The following GASK1B variants were observed in gnomAD, a reference collection of about 807,000 sequenced individuals.
The protein encoded by GASK1B is Golgi-associated kinase 1B.
Under a neutral mutation model 42.8 loss-of-function variants are expected in GASK1B, and 34 were observed. The observed-to-expected ratio is 0.79, with a 90% CI of 0.60 to 1.06. The LOEUF (loss-of-function observed/expected upper bound fraction) is 1.06. GASK1B is among the 50% of genes least tolerant of loss of function. The pLI is 0.00. For missense variants in GASK1B, 686 were observed against 661.0 expected, an observed-to-expected ratio of 1.04 and a Z score of -0.42; for synonymous variants, 262 against 259.1, an observed-to-expected ratio of 1.01 and a Z score of -0.11.
chr4:158,161,246 A>G (rs1310934993), intron 2 of GASK1B, among the ~76,000 whole-genome samples: 2 of 152,186 alleles, frequency 1.3e-5, no homozygotes, highest in Non-Finnish European at 2.9e-5. Context: ...ACATATATCA[A>G]ATAATCACAT....
intron 2 of GASK1B, chr4:158,169,904 A>G (rs184179807): frequency 3.4e-4 from 101 of 299,110 alleles, no homozygotes; most frequent in Admixed American, 8.6e-4. Flanking sequence ...ATACTGAACA[A>G]ATCACCAATT....
chr4:158,146,781 T>C (rs1731346850), intron 3 of GASK1B, among the ~76,000 whole-genome samples: 1 of 152,238 alleles, frequency 6.6e-6, no homozygotes, highest in African/African-American at 2.4e-5. Context: ...ATATAATCTT[T>C]TGAGAGAAGT....
chr4:158,160,096 C>T (rs985689392), intron 2 of GASK1B, among the ~76,000 whole-genome samples: 2 of 152,112 alleles, frequency 1.3e-5, no homozygotes, highest in African/African-American at 2.4e-5. Flanking sequence ...AGTGACAGTC[C>T]AGCTCCAGTC....
At chr4:158,139,735 A>C (rs562008253) in intron 3 of GASK1B, among the ~76,000 whole-genome samples, 1 of 152,338 alleles carries the variant, frequency 6.6e-6, no homozygotes, top group East Asian at 1.9e-4. Flanking sequence ...GATATTTTAA[A>C]GGAACTTGCT....
At position 158,147,960 on chromosome 4, in the gene GASK1B, C is replaced by G. The variant is rs113245773; in HGVS notation, c.1125+7651G>C. ...AGAGGCTGGGTGTGGTGGCTCAAGC[C>G]CAGCATTTTGGGAGGCTGAGGTGGG... On this transcript the variant is annotated intron_variant, in intron 3 of 4. Transcript: ENST00000585682. Among the ~76,000 whole-genome samples the G allele has an allele frequency of 2.9e-3, 438 of 152,152 alleles. 4 individuals carry two copies. Among genetic ancestry groups the G allele is most frequent in the African/African-American group, 0.01 (419 of 41,518 alleles).
At chr4:158,139,953 A>G (rs1464598881) in intron 3 of GASK1B, among the ~76,000 whole-genome samples, 2 of 152,208 alleles carry the variant, frequency 1.3e-5, no homozygotes, top group African/African-American at 2.4e-5. Flanking sequence ...ACTTACAGGT[A>G]GAGATTTTTA....
In GASK1B at chr4:158,125,874, A is replaced by G. The variant is rs1000161623; in HGVS notation, c.*1533T>C. ...ACATTATTTTGACATTTTGTTCTAC[A>G]ATTGTATCAATTAGATCTATAGATT... On this transcript the variant is annotated 3_prime_UTR_variant, in exon 5 of 5. Coordinates refer to ENST00000585682, the MANE Select transcript of GASK1B (RefSeq NM_001128424.2). 3 of 152,110 alleles carry G rather than the reference A, an allele frequency of 2.0e-5. No individual in the cohort carries two copies. Among genetic ancestry groups the G allele is most frequent in the Non-Finnish European group, 2.9e-5 (2 of 68,006 alleles). 9.4% of individuals were successfully genotyped at this position (152,110 alleles called of 1,614,324 possible). A position where few individuals can be genotyped will look rare whatever the true frequency, so the allele number is the denominator to read the frequency against.
chr4:158,149,642 T>G (rs2346776), intron 3 of GASK1B, among the ~76,000 whole-genome samples: 1 of 152,074 alleles, frequency 6.6e-6, no homozygotes, highest in African/African-American at 2.4e-5. Context: ...TCCCCAAACA[T>G]TTGACCTCAT....
In GASK1B at chr4:158,171,570, A is replaced by G; in HGVS notation, c.-195T>C. On this transcript the variant is annotated 5_prime_UTR_variant, in exon 2 of 5. Transcript: ENST00000585682. ...GACACAACAAACCTTTTAAATTATC[A>G]GTCTCCCCAAGGAGAAATGCGGCTT... 4.0e-6 allele frequency: 2 copies of G among 500,262 alleles called. No individual in the cohort carries two copies. Among genetic ancestry groups the G allele is most frequent in the Non-Finnish European group, 6.8e-6 (2 of 295,730 alleles). The allele number at this position is 500,262 out of a possible 1,614,324, so 31.0% of individuals were successfully genotyped here. A position where few individuals can be genotyped will look rare whatever the true frequency, so the allele number is the denominator to read the frequency against.
intron 3 of GASK1B, among the ~76,000 whole-genome samples, chr4:158,151,541 T>C (rs763982478): frequency 8.5e-5 from 13 of 152,314 alleles, no homozygotes; most frequent in East Asian, 1.9e-4. Context: ...AGTATGATTA[T>C]TGCAGGATAA....
intron 3 of GASK1B, among the ~76,000 whole-genome samples, chr4:158,140,297 A>G (rs969094744): frequency 6.6e-6 from 1 of 152,192 alleles, no homozygotes; most frequent in Non-Finnish European, 1.5e-5. Flanking sequence ...GAAGCTCCAT[A>G]TATCTCTTAG....
chr4:158,156,037 G>A (rs1243198709), intron 2 of GASK1B, among the ~76,000 whole-genome samples: 1 of 152,028 alleles, frequency 6.6e-6, no homozygotes, highest in Admixed American at 6.6e-5. Flanking sequence ...GAAAGTTATT[G>A]TTAGACAATG....
chr4:158,159,416 TA>T, intron 2 of GASK1B: 1 of 361,412 alleles, frequency 2.8e-6, no homozygotes, highest in Non-Finnish European at 5.4e-6. Context: ...CCACCTCTTT[TA>T]ATATAAGGCT....
At chr4:158,168,435 T>C (rs1208888597) in intron 2 of GASK1B, 2 of 152,210 alleles carry the variant, frequency 1.3e-5, no homozygotes, top group East Asian at 1.9e-4. Flanking sequence ...TTGGAGATTA[T>C]GTGAGGAATT....
At position 158,127,525 on chromosome 4, in the gene GASK1B, T is replaced by G; in HGVS notation, c.1442A>C (p.Glu481Ala). 6.2e-7 allele frequency: 1 copy of G among 1,613,796 alleles called. No individual in the cohort carries two copies. Among genetic ancestry groups the G allele is most frequent in the Non-Finnish European group, 8.5e-7 (1 of 1,179,794 alleles). Residue 481 changes from glutamate to alanine, a missense_variant, in exon 5 of 5, where the codon GAA becomes GCA. Physicochemically the swap from Glu to Ala is moderately radical, Grantham distance 107. Coordinates refer to ENST00000585682, the MANE Select transcript of GASK1B (RefSeq NM_001128424.2). ...QSLFLDKVYWESQGGRQGIEK... is the reference protein window; with the variant it reads ...QSLFLDKVYWASQGGRQGIEK... Reference sequence around the variant, plus strand: ...AATTCCTTGTCTACCTCCTTGACTTTCCCAATACACTTTATCAAGAAACAG... The same window carrying G: ...AATTCCTTGTCTACCTCCTTGACTTGCCCAATACACTTTATCAAGAAACAG...
chr4:158,136,499 A>G (rs565641143), intron 3 of GASK1B, among the ~76,000 whole-genome samples: 3 of 152,326 alleles, frequency 2.0e-5, no homozygotes, highest in African/African-American at 7.2e-5. Context: ...AATGACAACT[A>G]AAGGAAACAC....
At chr4:158,132,367 C>T (rs1035644261) in intron 3 of GASK1B, among the ~76,000 whole-genome samples, 1 of 152,142 alleles carries the variant, frequency 6.6e-6, no homozygotes, top group Non-Finnish European at 1.5e-5. Context: ...AAAAGCAGTG[C>T]CAAAATTTAG....
rs575752074 is a variant in GASK1B at position 158,166,371 on chromosome 4, C to A, written c.910+4095G>T. Among the ~76,000 whole-genome samples the A allele has an allele frequency of 3.3e-5, 5 of 152,272 alleles. No homozygotes were observed. In the East Asian group the frequency reaches 5.8e-4, roughly 18 times the overall value. Reference sequence around the variant, plus strand: ...ACCAGTCCTGCCAATTTAGAAAAAACCTAAAGATGAGCTTTATAATTGGAA... The same window carrying A: ...ACCAGTCCTGCCAATTTAGAAAAAAACTAAAGATGAGCTTTATAATTGGAA... On this transcript the variant is annotated intron_variant, in intron 2 of 4. Coordinates refer to ENST00000585682, the MANE Select transcript of GASK1B (RefSeq NM_001128424.2).
At chr4:158,165,111 A>C (rs1168629550) in intron 2 of GASK1B, among the ~76,000 whole-genome samples, 3 of 152,208 alleles carry the variant, frequency 2.0e-5, no homozygotes, top group African/African-American at 7.2e-5. Context: ...TACATAATAC[A>C]TCTTCCATGC....
Sources: allele counts gnomAD v4.1 joint callset (sites outside exome capture counted in the v4.1 genomes callset), GRCh38; gene constraint gnomAD v4.1.1; transcripts MANE v1.5; gene names NCBI Gene and HGNC (gene_info 2026-07-23, HGNC 2026-07-21).